TRIM71: variants seen among roughly 807,000 people sequenced by gnomAD.
TRIM71 encodes tripartite motif containing 71.
A neutral mutation model predicts 61.2 loss-of-function variants in TRIM71; 9 were observed. That is an observed-to-expected ratio of 0.15 (90% CI 0.09 to 0.26). TRIM71 has a LOEUF of 0.26. TRIM71 is among the 10% of genes least tolerant of loss of function. The pLI, the probability that TRIM71 is intolerant of heterozygous loss-of-function variation, is 1.00. For synonymous variants in TRIM71, 645 were observed against 553.2 expected, an observed-to-expected ratio of 1.17 and a Z score of -2.33; for missense variants, 998 against 1,238.7, an observed-to-expected ratio of 0.81 and a Z score of 2.92.
intron 2 of TRIM71, among the ~76,000 whole-genome samples, chr3:32,875,665 C>T (rs1184727739): frequency 1.3e-5 from 2 of 152,036 alleles, no homozygotes; most frequent in East Asian, 1.9e-4. Flanking sequence ...CATGGGGAAA[C>T]CCTACAAAAA....
intron 1 of TRIM71, among the ~76,000 whole-genome samples, chr3:32,836,600 C>T (rs1269436452): frequency 6.6e-6 from 1 of 152,168 alleles, no homozygotes; most frequent in Non-Finnish European, 1.5e-5. Flanking sequence ...CTTGGTATAT[C>T]ATAGAAGGTG....
At chr3:32,819,647 T>C (rs1166255257) in intron 1 of TRIM71, among the ~76,000 whole-genome samples, 1 of 152,170 alleles carries the variant, frequency 6.6e-6, no homozygotes, top group Admixed American at 6.5e-5. Flanking sequence ...TGAATTCTCC[T>C]AGCGTGAAAT....
intron 2 of TRIM71, among the ~76,000 whole-genome samples, chr3:32,877,026 T>TAA: frequency 6.6e-6 from 1 of 152,244 alleles, no homozygotes; most frequent in East Asian, 1.9e-4. Context: ...AGAGGCATTT[T>TAA]AGGTCTGTTA....
At chr3:32,849,912 C>T (rs1696519203) in intron 1 of TRIM71, among the ~76,000 whole-genome samples, 1 of 152,224 alleles carries the variant, frequency 6.6e-6, no homozygotes, top group South Asian at 2.1e-4. Flanking sequence ...GTTGTGCACA[C>T]AAATTGAAGG....
intron 2 of TRIM71, among the ~76,000 whole-genome samples, chr3:32,884,189 G>A (rs1249311170): frequency 6.6e-6 from 1 of 152,088 alleles, no homozygotes; most frequent in Non-Finnish European, 1.5e-5. Flanking sequence ...GAGCCCAAGT[G>A]ATTTGCCTGC....
chr3:32,857,112 G>A (rs1328440225), intron 1 of TRIM71, among the ~76,000 whole-genome samples: 1 of 152,144 alleles, frequency 6.6e-6, no homozygotes, highest in Non-Finnish European at 1.5e-5. Context: ...GGCCCCTCAA[G>A]GTCACCCAAC....
chr3:32,882,346 C>T (rs1034979546), intron 2 of TRIM71, among the ~76,000 whole-genome samples: 5 of 152,062 alleles, frequency 3.3e-5, no homozygotes, highest in Non-Finnish European at 7.3e-5. Flanking sequence ...GAAATATTAG[C>T]TTGGACACCA....
intron 1 of TRIM71, among the ~76,000 whole-genome samples, chr3:32,834,823 A>G (rs907687092): frequency 2.6e-5 from 4 of 152,174 alleles, no homozygotes; most frequent in Non-Finnish European, 4.4e-5. Flanking sequence ...GCCTGGTGAC[A>G]GAGCGAGACT....
intron 1 of TRIM71, among the ~76,000 whole-genome samples, chr3:32,846,307 C>A (rs1017988321): frequency 6.6e-6 from 1 of 151,920 alleles, no homozygotes; most frequent in Non-Finnish European, 1.5e-5. Flanking sequence ...GATCTCCTGA[C>A]CTTGTGATCC....
intron 1 of TRIM71, among the ~76,000 whole-genome samples, chr3:32,851,288 A>C (rs902042301): frequency 6.6e-6 from 1 of 152,212 alleles, no homozygotes; most frequent in Non-Finnish European, 1.5e-5. Flanking sequence ...TACAGTTGGT[A>C]ATAGAGTGGA....
intron 1 of TRIM71, among the ~76,000 whole-genome samples, chr3:32,859,336 T>C (rs1190837973): frequency 6.6e-6 from 1 of 152,224 alleles, no homozygotes; most frequent in Non-Finnish European, 1.5e-5. Context: ...GTCGGCTCAC[T>C]GCAACCTTTG....
chr3:32,874,085 TGGAA>T, intron 2 of TRIM71, 100 bp downstream of exon 2: 2 of 1,320,390 alleles, frequency 1.5e-6, no homozygotes, highest in Non-Finnish European at 2.1e-6. Context: ...GTGTGGGGGG[TGGAA>T]TAGTGACCCA....
chr3:32,883,019 ACT>A (rs138482013), intron 2 of TRIM71, among the ~76,000 whole-genome samples: 3,341 of 152,154 alleles, frequency 0.022, 56 homozygotes, highest in Middle Eastern at 0.041. Context: ...TTCTGCAGGT[ACT>A]CTCTGCCTCA....
At chr3:32,847,486 C>T (rs2125680933) in intron 1 of TRIM71, among the ~76,000 whole-genome samples, 1 of 152,184 alleles carries the variant, frequency 6.6e-6, no homozygotes, top group East Asian at 1.9e-4. Context: ...TGAGCCACCG[C>T]ACCCAGCCAG....
At chr3:32,869,309 C>G (rs990382343) in intron 1 of TRIM71, among the ~76,000 whole-genome samples, 1 of 152,176 alleles carries the variant, frequency 6.6e-6, no homozygotes, top group African/African-American at 2.4e-5. Flanking sequence ...TAAGGGATAC[C>G]AAACTAATCT....
intron 1 of TRIM71, among the ~76,000 whole-genome samples, chr3:32,855,288 G>T (rs575337881): frequency 6.6e-6 from 1 of 152,176 alleles, no homozygotes; most frequent in South Asian, 2.1e-4. Context: ...AGTCGGGTAA[G>T]GGGGTGGAAG....
intron 1 of TRIM71, among the ~76,000 whole-genome samples, chr3:32,847,812 TTTTTG>T (rs1217442038): frequency 3.9e-5 from 6 of 152,150 alleles, no homozygotes; most frequent in Non-Finnish European, 7.4e-5. Flanking sequence ...TGGGGCTGGT[TTTTTG>T]TTTTGTTTTG....
chr3:32,840,103 T>C (rs1291867225), intron 1 of TRIM71, among the ~76,000 whole-genome samples: 1 of 152,178 alleles, frequency 6.6e-6, no homozygotes, highest in Non-Finnish European at 1.5e-5. Context: ...TCTGCAAGCC[T>C]CCTCCAAAAC....
chr3:32,874,288 G>A (rs1007059661), intron 2 of TRIM71, among the ~76,000 whole-genome samples: 1 of 152,018 alleles, frequency 6.6e-6, no homozygotes, highest in Non-Finnish European at 1.5e-5. Context: ...GCACTTTCCA[G>A]CCAGGACTGC....
Sources: gnomAD v4.1 joint callset for allele counts (sites outside exome capture counted in the v4.1 genomes callset) on GRCh38, gnomAD v4.1.1 for gene constraint, MANE v1.5 for transcripts, NCBI Gene and HGNC (gene_info 2026-07-23, HGNC 2026-07-21) for gene names.